The following PDK1 variants were observed in gnomAD, a reference collection of about 807,000 sequenced individuals.
PDK1 encodes [Pyruvate dehydrogenase (acetyl-transferring)] kinase isozyme 1, mitochondrial.
A neutral mutation model predicts 54.2 loss-of-function variants in PDK1; 39 were observed. That is an observed-to-expected ratio of 0.72 (90% confidence interval 0.56 to 0.94). The LOEUF is 0.94. Among genes scored for constraint, PDK1 ranks in the 40% least tolerant of loss-of-function variants. The pLI, the probability that PDK1 is intolerant of heterozygous loss-of-function variation, is 0.00. For missense variants in PDK1, 552 were observed against 566.0 expected, an observed-to-expected ratio of 0.98 and a Z score of 0.25; for synonymous variants, 221 against 207.1, an observed-to-expected ratio of 1.07 and a Z score of -0.58.
chr2:172,558,663 CTT>C (rs1688488661), intron 1 of PDK1, 43 bp from the exon 2 acceptor site: 17 of 1,530,030 alleles, frequency 1.1e-5, no homozygotes, highest in Non-Finnish European at 1.5e-5. Context: ...CTTCTGTTTC[CTT>C]ATGGCTTTTA....
the PDK1 span, among the ~76,000 whole-genome samples, chr2:172,622,701 C>G: frequency 4.2e-5 from 6 of 144,034 alleles, no homozygotes; most frequent in Non-Finnish European, 9.1e-5. Context: ...ATGTTTATAT[C>G]TCATATATTA....
the PDK1 span, among the ~76,000 whole-genome samples, chr2:172,669,722 T>C: frequency 1.2e-4 from 18 of 152,186 alleles, no homozygotes; most frequent in Non-Finnish European, 1.8e-4. Context: ...TGATATCTCA[T>C]TGTGTGTTAT....
At chr2:172,676,752 A>G in the PDK1 span, among the ~76,000 whole-genome samples, 1 of 152,272 alleles carries the variant, frequency 6.6e-6, no homozygotes, top group African/African-American at 2.4e-5. Context: ...ATTGGCTCCA[A>G]TTTTGAAAGA....
the PDK1 span, among the ~76,000 whole-genome samples, chr2:172,634,170 G>A: frequency 6.8e-5 from 10 of 147,150 alleles, no homozygotes; most frequent in Non-Finnish European, 1.2e-4. Flanking sequence ...GAGCCGATGC[G>A]CCTGGTCAAG....
At chr2:172,589,133 CAA>C (rs1405208388) in intron 9 of PDK1, among the ~76,000 whole-genome samples, 1 of 152,128 alleles carries the variant, frequency 6.6e-6, no homozygotes, top group African/African-American at 2.4e-5. Flanking sequence ...TAAGTATGGT[CAA>C]GAGAGAGCAC....
the PDK1 span, among the ~76,000 whole-genome samples, chr2:172,677,740 A>C: frequency 6.6e-6 from 1 of 152,266 alleles, no homozygotes; most frequent in East Asian, 1.9e-4. Flanking sequence ...AGAAAACAAA[A>C]GTTTATACAA....
chr2:172,686,444 G>A, the PDK1 span, among the ~76,000 whole-genome samples: 17 of 151,928 alleles, frequency 1.1e-4, no homozygotes, highest in East Asian at 3.1e-3. Context: ...GTAGCTAGCT[G>A]GAGGTTTGTA....
the PDK1 span, among the ~76,000 whole-genome samples, chr2:172,646,236 G>A: frequency 2.0e-5 from 3 of 152,060 alleles, no homozygotes; most frequent in Non-Finnish European, 4.4e-5. Flanking sequence ...TAAATTAGAT[G>A]ACAACTTAAT....
chr2:172,570,491 T>A, intron 7 of PDK1: 2 of 380,736 alleles, frequency 5.3e-6, no homozygotes. Context: ...TGTTTTGAAG[T>A]CTGACTTTGG....
chr2:172,700,324 C>A, the PDK1 span, among the ~76,000 whole-genome samples: 3 of 150,494 alleles, frequency 2.0e-5, no homozygotes, highest in Admixed American at 6.6e-5. Context: ...ACTTCCCAGA[C>A]GGGGCGGCCG....
the PDK1 span, among the ~76,000 whole-genome samples, chr2:172,667,048 G>A: frequency 5.3e-5 from 8 of 152,110 alleles, no homozygotes; most frequent in Admixed American, 3.9e-4. Context: ...GTGAAGTCTG[G>A]GCTTTTCGTG....
At chr2:172,627,873 A>T in the PDK1 span, among the ~76,000 whole-genome samples, 3 of 152,328 alleles carry the variant, frequency 2.0e-5, no homozygotes, top group African/African-American at 7.2e-5. Context: ...ATCCACTTGC[A>T]CGTAGACCTC....
At chr2:172,702,956 A>G in the PDK1 span, among the ~76,000 whole-genome samples, 4 of 152,200 alleles carry the variant, frequency 2.6e-5, no homozygotes, top group African/African-American at 9.6e-5. Flanking sequence ...TCAGTTCCTA[A>G]TTCCTGGAAA....
intron 8 of PDK1, 99 bp downstream of exon 8, chr2:172,570,923 C>A (rs1689217218): frequency 1.5e-6 from 1 of 668,764 alleles, no homozygotes; most frequent in Non-Finnish European, 2.6e-6. Context: ...AAGACATAAT[C>A]TACTCTCAGG....
chr2:172,653,535 G>A, the PDK1 span, among the ~76,000 whole-genome samples: 8,612 of 152,020 alleles, frequency 0.057, 968 homozygotes, highest in East Asian at 0.53. Context: ...CCTGGGAAGC[G>A]GAGGTTGCAG....
intron 2 of PDK1, among the ~76,000 whole-genome samples, chr2:172,559,584 G>T (rs796806859): frequency 2.6e-5 from 4 of 152,082 alleles, no homozygotes; most frequent in African/African-American, 9.7e-5. Flanking sequence ...ATCTTGCTCT[G>T]TTGCCCAGGC....
At chr2:172,664,128 A>G in the PDK1 span, among the ~76,000 whole-genome samples, 1 of 151,732 alleles carries the variant, frequency 6.6e-6, no homozygotes, top group African/African-American at 2.4e-5. Flanking sequence ...CCTGGCCAAC[A>G]TGGAGAAACC....
chr2:172,555,730 T>C (rs888527675), upstream of PDK1: 5 of 156,548 alleles, frequency 3.2e-5, no homozygotes, highest in Non-Finnish European at 7.0e-5. Flanking sequence ...GTGGGATTTG[T>C]TTCAAAAGGG....
At chr2:172,693,933 G>T in the PDK1 span, among the ~76,000 whole-genome samples, 1 of 152,144 alleles carries the variant, frequency 6.6e-6, no homozygotes, top group African/African-American at 2.4e-5. Context: ...AGACCTTCTT[G>T]GGAGCCTACT....
Sources: allele counts gnomAD v4.1 joint callset (sites outside exome capture counted in the v4.1 genomes callset), GRCh38; gene constraint gnomAD v4.1.1; transcripts MANE v1.5; gene names NCBI Gene and HGNC (gene_info 2026-07-23, HGNC 2026-07-21).